Variants in SH2D4B observed in about 807,000 individuals in gnomAD.
SH2D4B encodes the protein SH2 domain containing 4B.
SH2D4B carries 45 observed loss-of-function variants against 61.5 expected under a neutral mutation model. That is an observed-to-expected ratio of 0.73 (90% CI 0.58 to 0.94). The LOEUF (loss-of-function observed/expected upper bound fraction) is 0.94. SH2D4B is among the 40% of genes least tolerant of loss of function. The pLI is 0.00. For missense variants in SH2D4B, 572 were observed against 574.2 expected, an observed-to-expected ratio of 1.00 and a Z score of 0.04; for synonymous variants, 224 against 220.4, an observed-to-expected ratio of 1.02 and a Z score of -0.14.
chr10:80,597,102 G>C (rs1842393475), intron 4 of SH2D4B, among the ~76,000 whole-genome samples: 1 of 152,204 alleles, frequency 6.6e-6, no homozygotes, highest in African/African-American at 2.4e-5. Context: ...GGTGTGCATA[G>C]GCTATACGCA....
At chr10:80,572,974 ATATATATATATATTTTT>A (rs1842074889) in intron 3 of SH2D4B, among the ~76,000 whole-genome samples, 1 of 7,676 alleles carries the variant, frequency 1.3e-4, no homozygotes, top group African/African-American at 6.0e-4. Flanking sequence ...ATATATATAT[ATATATATATATATTTTT>A]TTTTTTTTTT....
At chr10:80,632,591 C>T (rs1451933474) in intron 6 of SH2D4B, among the ~76,000 whole-genome samples, 3 of 152,130 alleles carry the variant, frequency 2.0e-5, no homozygotes, top group East Asian at 1.9e-4. Context: ...GTCCCTCTTC[C>T]TCCCAGGCCC....
At chr10:80,632,490 A>G (rs1369342009) in intron 6 of SH2D4B, among the ~76,000 whole-genome samples, 1 of 152,056 alleles carries the variant, frequency 6.6e-6, no homozygotes, top group Non-Finnish European at 1.5e-5. Flanking sequence ...GTAGTCTCCC[A>G]CCCTAGTAAC....
At position 80,588,761 on chromosome 10, in the gene SH2D4B, A is replaced by C; in HGVS notation, c.627A>C (p.Arg209=). 6.2e-7 allele frequency: 1 copy of C among 1,614,066 alleles called. No homozygotes were observed. The change falls in exon 4 of 8, where the codon CGA becomes CGC. Residue 209 remains arginine (R), a synonymous_variant. Coordinates refer to ENST00000646907, the MANE Select transcript of SH2D4B (RefSeq NM_001388272.1). Reference sequence around the variant, plus strand: ...GCCAAGCCAGTGAGAAAGAGGAGCGAGAGTGGGAAGAACAGTGTGAGTAGA... The same window carrying C: ...GCCAAGCCAGTGAGAAAGAGGAGCGCGAGTGGGAAGAACAGTGTGAGTAGA... The part of the protein sequence containing the change: ...LHCQASEKEE[R]EWEEQLRRSK...
At chr10:80,566,297 CTT>C (rs75474550) in intron 1 of SH2D4B, among the ~76,000 whole-genome samples, 53 of 130,394 alleles carry the variant, frequency 4.1e-4, no homozygotes, top group African/African-American at 7.7e-4. Context: ...AGATCAATTT[CTT>C]TTTTTTTTTT....
chr10:80,593,121 T>C (rs73309230), intron 4 of SH2D4B, among the ~76,000 whole-genome samples: 12,817 of 152,310 alleles, frequency 0.084, 595 homozygotes, highest in African/African-American at 0.12. Context: ...ATTTTGAAAT[T>C]GGGCAGTATG....
At chr10:80,556,927 G>A (rs1841845724) in intron 1 of SH2D4B, among the ~76,000 whole-genome samples, 1 of 152,036 alleles carries the variant, frequency 6.6e-6, no homozygotes, top group African/African-American at 2.4e-5. Flanking sequence ...AGGGTCTTCA[G>A]TCTAATGTTA....
intron 1 of SH2D4B, among the ~76,000 whole-genome samples, chr10:80,540,490 G>A (rs1016594623): frequency 3.3e-5 from 5 of 152,236 alleles, no homozygotes; most frequent in Non-Finnish European, 7.3e-5. Flanking sequence ...GGCAGGGCAA[G>A]CTCCCTGATT....
At chr10:80,546,006 C>CTCTCTTTCTTTCTT (rs1221957795) in intron 1 of SH2D4B, among the ~76,000 whole-genome samples, 2 of 146,980 alleles carry the variant, frequency 1.4e-5, no homozygotes, top group Non-Finnish European at 3.0e-5. Context: ...TCCTTTCTCT[C>CTCTCTTTCTTTCTT]TCTCTTTCTT....
intron 4 of SH2D4B, among the ~76,000 whole-genome samples, chr10:80,601,805 A>G (rs1206182267): frequency 1.3e-5 from 2 of 152,220 alleles, no homozygotes; most frequent in Non-Finnish European, 2.9e-5. Flanking sequence ...CTCACAGTGC[A>G]GTTCTTGGTA....
At chr10:80,580,606 G>A (rs12240965) in intron 3 of SH2D4B, among the ~76,000 whole-genome samples, 12,726 of 152,238 alleles carry the variant, frequency 0.084, 570 homozygotes, top group African/African-American at 0.12. Flanking sequence ...ATCATGGCTG[G>A]GAACTCAGTT....
chr10:80,540,815 G>A, intron 1 of SH2D4B: 2 of 1,549,372 alleles, frequency 1.3e-6, no homozygotes, highest in Non-Finnish European at 1.7e-6. Flanking sequence ...GTGAGGCTTG[G>A]TTCAAAGCAG....
At chr10:80,567,734 C>T (rs532150123) in intron 1 of SH2D4B, among the ~76,000 whole-genome samples, 1 of 152,320 alleles carries the variant, frequency 6.6e-6, no homozygotes, top group Non-Finnish European at 1.5e-5. Context: ...TGAGTGAACA[C>T]TGACTTCAGC....
intron 3 of SH2D4B, among the ~76,000 whole-genome samples, chr10:80,582,094 C>G (rs901446213): frequency 2.6e-5 from 4 of 152,174 alleles, no homozygotes; most frequent in African/African-American, 9.7e-5. Context: ...GAATTAAGGG[C>G]TAAAGAAGGT....
chr10:80,619,095 G>A (rs534381598), intron 6 of SH2D4B, among the ~76,000 whole-genome samples: 10 of 152,176 alleles, frequency 6.6e-5, no homozygotes, highest in South Asian at 2.1e-4. Flanking sequence ...TCAGGGAGAC[G>A]AATAGGGGAG....
chr10:80,644,037 C>A lies in SH2D4B; in HGVS notation c.1254C>A (p.Pro418=). ...CAGGAGGAGAGTTACTTCAGGAACCCTGCGGACAGAGGGACAGCCCACCAG... is the reference window on the plus strand; with the variant it reads ...CAGGAGGAGAGTTACTTCAGGAACCATGCGGACAGAGGGACAGCCCACCAG... ...TVSGGELLQE[P]CGQRDSPPDY... is the part of the protein sequence containing the mutation. Residue 418 remains proline (P), a synonymous_variant, in exon 8 of 8, where the codon CCC becomes CCA. Coordinates refer to ENST00000646907, the MANE Select transcript of SH2D4B (RefSeq NM_001388272.1). 1 of 1,613,864 alleles carries A rather than the reference C, an allele frequency of 6.2e-7. No homozygotes were observed. Among genetic ancestry groups the A allele is most frequent in the Non-Finnish European group, 8.5e-7 (1 of 1,179,928 alleles).
chr10:80,570,371 C>T, intron 2 of SH2D4B, 55 bp downstream of exon 2: 1 of 1,574,178 alleles, frequency 6.4e-7, no homozygotes, highest in Non-Finnish European at 8.6e-7. Context: ...CTATGCTTAG[C>T]CCCACGCACG....
intron 7 of SH2D4B, among the ~76,000 whole-genome samples, chr10:80,636,130 T>C (rs1233048605): frequency 1.3e-5 from 2 of 152,212 alleles, no homozygotes; most frequent in Non-Finnish European, 2.9e-5. Flanking sequence ...CAGGAACTCA[T>C]CCTTTTTTAT....
intron 3 of SH2D4B, among the ~76,000 whole-genome samples, chr10:80,587,737 G>C (rs749833170): frequency 3.3e-5 from 5 of 152,064 alleles, no homozygotes; most frequent in Non-Finnish European, 5.9e-5. Flanking sequence ...GTCATTCCCC[G>C]TCTCCCTGTC....
Sources: gnomAD v4.1 joint callset for allele counts (sites outside exome capture counted in the v4.1 genomes callset) on GRCh38, gnomAD v4.1.1 for gene constraint, MANE v1.5 for transcripts, NCBI Gene and HGNC (gene_info 2026-07-23, HGNC 2026-07-21) for gene names.